The following JAZF1 variants were observed in gnomAD, a reference collection of about 807,000 sequenced individuals.
JAZF1 encodes juxtaposed with another zinc finger protein 1.
A neutral mutation model predicts 26.4 loss-of-function variants in JAZF1; 8 were observed. The ratio of observed to expected loss-of-function variants is 0.30; its 90% CI spans 0.18 to 0.55. The LOEUF is 0.55. Among genes scored for constraint, JAZF1 ranks in the 20% least tolerant of loss-of-function variants. JAZF1 has a pLI of 0.94. For missense variants in JAZF1, 199 were observed against 322.0 expected, an observed-to-expected ratio of 0.62 and a Z score of 2.92; for synonymous variants, 126 against 122.3, an observed-to-expected ratio of 1.03 and a Z score of -0.20.
intron 3 of JAZF1, among the ~76,000 whole-genome samples, chr7:27,891,471 G>GA (rs1389573173): frequency 6.6e-6 from 1 of 151,704 alleles, no homozygotes; most frequent in Non-Finnish European, 1.5e-5. Context: ...TATATTAAAA[G>GA]AAAAAAAGAC....
chr7:28,026,331 T>C (rs1301331167), intron 1 of JAZF1, among the ~76,000 whole-genome samples: 1 of 152,160 alleles, frequency 6.6e-6, no homozygotes, highest in Non-Finnish European at 1.5e-5. Context: ...GTGGAGGAAG[T>C]CTGTTTTTCT....
Position 28,153,690 on chromosome 7 carries a change from T to A in JAZF1, c.115+26773A>T, listed in dbSNP as rs375223234. On this transcript the variant is annotated intron_variant, in intron 1 of 4. Transcript: ENST00000283928. ...CAAGCTAAGCATTACCAGTCCCTCT[T>A]CTCTTCCTCATTCATGGCTTCCAGA... is the stretch of plus-strand genomic sequence containing the variant. Among the ~76,000 whole-genome samples the A allele has an allele frequency of 4.6e-5, 7 of 152,278 alleles. No homozygotes were observed. In the East Asian group the frequency reaches 7.7e-4, roughly 17 times the overall value.
intron 2 of JAZF1, among the ~76,000 whole-genome samples, chr7:27,971,526 G>T (rs1785375536): frequency 6.6e-6 from 1 of 152,186 alleles, no homozygotes; most frequent in South Asian, 2.1e-4. Flanking sequence ...ACCTCAATGT[G>T]AGAAAATTAA....
intron 1 of JAZF1, among the ~76,000 whole-genome samples, chr7:28,029,271 T>C (rs1026521421): frequency 2.0e-5 from 3 of 152,156 alleles, no homozygotes; most frequent in African/African-American, 7.2e-5. Flanking sequence ...CTAAATAATA[T>C]GGCAAAATTT....
chr7:28,049,383 C>T (rs1050000968), intron 1 of JAZF1, among the ~76,000 whole-genome samples: 6 of 152,104 alleles, frequency 3.9e-5, no homozygotes, highest in African/African-American at 4.8e-5. Flanking sequence ...CGCGCCCGGC[C>T]GGAAACCCTT....
chr7:27,900,479 T>A lies in JAZF1; in HGVS notation c.189-5063A>T, dbSNP rs527268455. On this transcript the variant is annotated intron_variant, in intron 2 of 4. Coordinates refer to ENST00000283928, the MANE Select transcript of JAZF1 (RefSeq NM_175061.4). The stretch of plus-strand genomic sequence containing the variant: ...AACCTACTCTGTGTTCAGTAACATG[T>A]GGGTAGCTTGAAATTGGCTATGGCA... 3.3e-5 allele frequency among the ~76,000 whole-genome samples: 5 copies of A among 152,350 alleles called. No homozygotes were observed. In the South Asian group the frequency reaches 1.0e-3, roughly 32 times the overall value.
chr7:28,178,905 C>T (rs527885637), intron 1 of JAZF1, among the ~76,000 whole-genome samples: 1 of 152,336 alleles, frequency 6.6e-6, no homozygotes, highest in African/African-American at 2.4e-5. Context: ...ATTTTGTAGA[C>T]GTTTCCCATG....
chr7:28,091,552 C>T (rs1784296456), intron 1 of JAZF1, among the ~76,000 whole-genome samples: 1 of 150,198 alleles, frequency 6.7e-6, no homozygotes. Flanking sequence ...TTAATACTAA[C>T]CTGAATAAAC....
intron 2 of JAZF1, among the ~76,000 whole-genome samples, chr7:27,899,651 T>C (rs182616594): frequency 1.3e-5 from 2 of 151,980 alleles, no homozygotes; most frequent in Non-Finnish European, 2.9e-5. Flanking sequence ...CCCAGGCTGG[T>C]TTCAAACTCC....
intron 2 of JAZF1, among the ~76,000 whole-genome samples, chr7:27,935,498 C>T (rs1212659951): frequency 6.6e-6 from 1 of 152,142 alleles, no homozygotes; most frequent in Non-Finnish European, 1.5e-5. Flanking sequence ...ATAGGCAAAT[C>T]TATAAAGGTG....
intron 1 of JAZF1, among the ~76,000 whole-genome samples, chr7:28,082,094 G>T (rs1248493362): frequency 6.6e-6 from 1 of 152,206 alleles, no homozygotes; most frequent in Non-Finnish European, 1.5e-5. Context: ...AGTAGAGTAT[G>T]TTTGATGATT....
chr7:27,833,403 T>C (rs1426092773), intron 4 of JAZF1, among the ~76,000 whole-genome samples: 1 of 152,232 alleles, frequency 6.6e-6, no homozygotes, highest in Non-Finnish European at 1.5e-5. Context: ...CCCAAAAGTT[T>C]AACATATAGA....
At position 27,838,950 on chromosome 7, in the gene JAZF1, C is replaced by T. The variant is rs572843019; in HGVS notation, c.555+1748G>A. On this transcript the variant is annotated intron_variant, in intron 4 of 4. Transcript: ENST00000283928. Reference sequence around the variant, plus strand: ...CAAGGCTCACTGAATTCTCAGTGGCCTTGGGTGGAGAGAGAACACTCAGAA... The same window carrying T: ...CAAGGCTCACTGAATTCTCAGTGGCTTTGGGTGGAGAGAGAACACTCAGAA... Among the ~76,000 whole-genome samples the T allele has an allele frequency of 5.3e-5, 8 of 152,306 alleles. No homozygotes were observed. The East Asian group carries it at 7.7e-4, about 15-fold the overall frequency.
rs1784451845 is a variant in JAZF1 at position 27,916,953 on chromosome 7, A to G, written c.189-21537T>C. The stretch of plus-strand genomic sequence containing the variant: ...CCTAATCCACAGATAATAGCAACTG[A>G]CTAGGCCTGGCACAATGGCTCATGC... On this transcript the variant is annotated intron_variant, in intron 2 of 4. Coordinates refer to ENST00000283928, the MANE Select transcript of JAZF1 (RefSeq NM_175061.4). Among the ~76,000 whole-genome samples the G allele has an allele frequency of 2.6e-5, 4 of 152,312 alleles. No individual in the cohort carries two copies. In the South Asian group the frequency reaches 8.3e-4, roughly 32 times the overall value.
chr7:28,142,829 T>C (rs540040592), intron 1 of JAZF1, among the ~76,000 whole-genome samples: 1 of 152,322 alleles, frequency 6.6e-6, no homozygotes, highest in South Asian at 2.1e-4. Context: ...TTCAGCACCC[T>C]TTCCCCAACC....
chr7:27,930,021 A>G (rs1486359312), intron 2 of JAZF1, among the ~76,000 whole-genome samples: 2 of 139,742 alleles, frequency 1.4e-5, no homozygotes, highest in Non-Finnish European at 3.0e-5. Context: ...TTTGAGACGG[A>G]GTCTTGCTCT....
intron 1 of JAZF1, among the ~76,000 whole-genome samples, chr7:28,021,708 A>G (rs1020980807): frequency 6.6e-5 from 10 of 152,170 alleles, no homozygotes; most frequent in African/African-American, 2.4e-4. Context: ...TGCTCTCCCA[A>G]TGTGTCACCT....
intron 2 of JAZF1, among the ~76,000 whole-genome samples, chr7:27,941,756 G>C (rs561146170): frequency 2.6e-5 from 4 of 152,294 alleles, no homozygotes; most frequent in African/African-American, 9.6e-5. Context: ...TACAGCTTAG[G>C]ACAACAGGAG....
At chr7:28,137,591 C>T (rs1438131391) in intron 1 of JAZF1, among the ~76,000 whole-genome samples, 4 of 152,212 alleles carry the variant, frequency 2.6e-5, no homozygotes, top group African/African-American at 9.6e-5. Context: ...ACAGGGTGCG[C>T]TCTTGGATGA....
Sources: allele counts gnomAD v4.1 joint callset (sites outside exome capture counted in the v4.1 genomes callset), GRCh38; gene constraint gnomAD v4.1.1; transcripts MANE v1.5; gene names NCBI Gene and HGNC (gene_info 2026-07-23, HGNC 2026-07-21).